The following PATL1 variants were observed in gnomAD, a reference collection of about 807,000 sequenced individuals.
The protein encoded by PATL1 is protein PAT1 homolog 1.
Under a neutral mutation model 100.6 loss-of-function variants are expected in PATL1, and 32 were observed. The ratio of observed to expected loss-of-function variants is 0.32; its 90% CI spans 0.24 to 0.43. PATL1 has a LOEUF of 0.43. Among genes scored for constraint, PATL1 ranks in the 20% least tolerant of loss-of-function variants. PATL1 has a pLI of 1.00. For synonymous variants in PATL1, 332 were observed against 330.0 expected, an observed-to-expected ratio of 1.01 and a Z score of -0.07; for missense variants, 747 against 949.9, an observed-to-expected ratio of 0.79 and a Z score of 2.81.
intron 16 of PATL1, among the ~76,000 whole-genome samples, chr11:59,640,887 G>A (rs978974248): frequency 5.3e-5 from 8 of 151,224 alleles, no homozygotes; most frequent in South Asian, 2.1e-4. Flanking sequence ...AAAATCAATC[G>A]GAGGCTGGGT....
At chr11:59,666,783 A>T (rs527838356) in intron 2 of PATL1, 70 bp downstream of exon 2, 2 of 1,453,342 alleles carry the variant, frequency 1.4e-6, no homozygotes, top group African/African-American at 2.9e-5. Flanking sequence ...AAGATAAAGC[A>T]CTTCTAAAAG....
intron 9 of PATL1, among the ~76,000 whole-genome samples, chr11:59,653,308 C>T (rs1861472883): frequency 6.6e-6 from 1 of 152,106 alleles, no homozygotes; most frequent in South Asian, 2.1e-4. Flanking sequence ...AGGTAGTTTT[C>T]TCTTCCCCAC....
chr11:59,640,697 G>A (rs1339690847), intron 16 of PATL1, among the ~76,000 whole-genome samples: 1 of 150,950 alleles, frequency 6.6e-6, no homozygotes, highest in Non-Finnish European at 1.5e-5. Context: ...TCCAGCCTGG[G>A]TGACAGAGCA....
At position 59,644,890 on chromosome 11, in the gene PATL1, CTTT is replaced by C. The variant is rs71036539; in HGVS notation, c.1894-1858_1894-1856del. On this transcript the variant is annotated intron_variant, in intron 15 of 18. Transcript: ENST00000300146. The stretch of plus-strand genomic sequence containing the variant: ...GGACAACATAGGGAGACTTCGTTTC[CTTT>C]TTTTTTTTTTTTTTTTAAAAAAAAA... 1.6e-3 allele frequency among the ~76,000 whole-genome samples: 136 copies of C among 83,810 alleles called. 1 individual carries two copies. Among genetic ancestry groups the C allele is most frequent in the African/African-American group, 6.4e-3 (122 of 18,954 alleles). The allele number at this position is 83,810 out of a possible 152,430, so 55.0% of individuals were successfully genotyped here.
intron 2 of PATL1, among the ~76,000 whole-genome samples, chr11:59,660,869 G>C (rs1227816197): frequency 6.6e-6 from 1 of 152,168 alleles, no homozygotes; most frequent in Admixed American, 6.5e-5. Context: ...TATAAAGTCT[G>C]TAGCACTGAC....
At chr11:59,659,500 A>G in intron 2 of PATL1, 31 bp from the exon 3 acceptor site, 1 of 1,520,794 alleles carries the variant, frequency 6.6e-7, no homozygotes, top group Non-Finnish European at 8.8e-7. Flanking sequence ...TGTAAGAAAT[A>G]GTTCATAGTG....
In PATL1 at chr11:59,638,190, T is replaced by TATCACCCAGCCAA. The variant is rs1861221069; in HGVS notation, c.*187_*199dup. The TATCACCCAGCCAA allele has an allele frequency of 1.2e-5, 7 of 603,830 alleles. No homozygotes were observed. Among genetic ancestry groups the TATCACCCAGCCAA allele is most frequent in the African/African-American group, 1.9e-5 (1 of 53,846 alleles). The allele number at this position is 603,830 out of a possible 1,614,324, so 37.4% of individuals were successfully genotyped here. On this transcript the variant is annotated 3_prime_UTR_variant, in exon 19 of 19. Transcript: ENST00000300146. ...CAGAAGGTAAAGAAACCAGCAGAAG[T>TATCACCCAGCCAA]ATCACCCAGCCAAATTTCATAGAGC...
chr11:59,654,123 A>C (rs979578211), intron 8 of PATL1, 51 bp from the exon 9 acceptor site: 28 of 1,441,030 alleles, frequency 1.9e-5, no homozygotes, highest in Non-Finnish European at 2.7e-5. Context: ...GATGACTTGA[A>C]ATTTTAAAGA....
chr11:59,646,333 C>G (rs1424137729), intron 15 of PATL1, among the ~76,000 whole-genome samples: 2 of 147,840 alleles, frequency 1.4e-5, no homozygotes, highest in African/African-American at 5.0e-5. Flanking sequence ...CTACTGTGTC[C>G]AGCTCATTTT....
chr11:59,652,252 G>C (rs1209757380), intron 11 of PATL1, among the ~76,000 whole-genome samples: 1 of 151,798 alleles, frequency 6.6e-6, no homozygotes, highest in Non-Finnish European at 1.5e-5. Context: ...GAAATCTCAA[G>C]TAGAAAAGGA....
At position 59,656,557 on chromosome 11, in the gene PATL1, G is replaced by A. The variant is rs745578900; in HGVS notation, c.665C>T (p.Pro222Leu). 2 of 1,613,844 alleles carry A rather than the reference G, an allele frequency of 1.2e-6. No homozygotes were observed. The highest frequency in any genetic ancestry group is 2.7e-5 in the African/African-American group (2 of 74,902). The change falls in exon 6 of 19, where the codon CCT becomes CTT. Residue 222 changes from proline (P) to leucine (L), a missense_variant. Coordinates refer to ENST00000300146, the MANE Select transcript of PATL1 (RefSeq NM_152716.3). ...CTCACCATAGGGAGCAGGATAACGA[G>A]GTGGCATTGGGGGCCGAACATGGAC... ...KPVHVRPPMP[P>L]RYPAPYGERM... is the part of the protein sequence containing the mutation.
In PATL1 at chr11:59,655,984, T is replaced by C. The variant is rs1357989262; in HGVS notation, c.785A>G (p.Gln262Arg). 5 of 1,599,834 alleles carry C rather than the reference T, an allele frequency of 3.1e-6. No homozygotes were observed. In the Admixed American group the frequency reaches 5.2e-5, roughly 17 times the overall value. ...PSVPPVLSPL[Q>R]RAQLLGGAQL... ...TGCTCCTCCAAGAAGCTGTGCTCTC[T>C]GGAGGGGGCTGAGAACAGGAGGAAC... The change falls in exon 7 of 19, where the codon CAG (glutamine) becomes CGG (arginine). Residue 262 changes from glutamine (Q) to arginine (R), a missense_variant. Gln to Arg is a conservative substitution (Grantham distance 43). This residue lies in a region of PATL1 where 127 missense variants were observed against 116.0 expected (regional missense o/e 1.09). Transcript: ENST00000300146.
chr11:59,667,003 C>G, intron 1 of PATL1, 39 bp from the exon 2 acceptor site: 1 of 1,524,628 alleles, frequency 6.6e-7, no homozygotes, highest in Non-Finnish European at 8.8e-7. Context: ...TCATGAAATT[C>G]ACACCCTCAT....
chr11:59,642,362 G>A (rs567787818), intron 16 of PATL1, among the ~76,000 whole-genome samples: 1 of 152,160 alleles, frequency 6.6e-6, no homozygotes, highest in Non-Finnish European at 1.5e-5. Flanking sequence ...TCATGACAAT[G>A]GCATAAACTA....
At chr11:59,652,790 G>C (rs1861465258) in intron 10 of PATL1, 48 bp downstream of exon 10, 1 of 1,585,160 alleles carries the variant, frequency 6.3e-7, no homozygotes, top group Non-Finnish European at 8.6e-7. Flanking sequence ...ACCCTCACCA[G>C]TGTAGGGGAC....
In PATL1 at chr11:59,652,888, T is replaced by C. The variant is rs751227797; in HGVS notation, c.1252A>G (p.Met418Val). 3.7e-6 allele frequency: 6 copies of C among 1,613,878 alleles called. No homozygotes were observed. In the Admixed American group the frequency reaches 5.0e-5, roughly 13 times the overall value. The change falls in exon 10 of 19, where the codon ATG becomes GTG. Residue 418 changes from methionine (M) to valine (V), a missense_variant. This residue lies in a region of PATL1 where 434 missense variants were observed against 596.1 expected (regional missense o/e 0.73). Transcript: ENST00000300146. ...GGATCAGTGCTTTGCAGTTGCATCA[T>C]CTGGATTTTAGAGACCCAATCCTTT... ...REKDWVSKIQ[M>V]MQLQSTDPYL... is the part of the protein sequence containing the mutation.
intron 18 of PATL1, 132 bp from the exon 19 acceptor site, chr11:59,638,543 A>G: frequency 2.3e-6 from 2 of 875,188 alleles, no homozygotes; most frequent in Non-Finnish European, 3.7e-6. Context: ...TACCCTTAGC[A>G]TTTGGTCATC....
intron 3 of PATL1, 45 bp from the exon 4 acceptor site, chr11:59,658,991 C>T (rs773279438): frequency 6.8e-6 from 10 of 1,464,882 alleles, no homozygotes; most frequent in Non-Finnish European, 9.2e-6. Flanking sequence ...GTTGTATACT[C>T]TCTGGGTGAC....
At chr11:59,654,097 T>TCA in intron 8 of PATL1, 25 bp from the exon 9 acceptor site, 1 of 1,572,528 alleles carries the variant, frequency 6.4e-7, no homozygotes, top group Non-Finnish European at 8.8e-7. Context: ...AAAGAGGTTC[T>TCA]CAGTTTGGTC....
Sources: allele counts gnomAD v4.1 joint callset (sites outside exome capture counted in the v4.1 genomes callset), GRCh38; gene constraint gnomAD v4.1.1; regional missense constraint gnomAD v4.1.1; transcripts MANE v1.5; gene names NCBI Gene and HGNC (gene_info 2026-07-23, HGNC 2026-07-21).